Variants in PCDHA7 observed in about 807,000 individuals in gnomAD.
PCDHA7 encodes the protein protocadherin alpha 7.
PCDHA7 carries 37 observed loss-of-function variants against 57.2 expected under a neutral mutation model. That is an observed-to-expected ratio of 0.65 (90% CI 0.50 to 0.85). The LOEUF is 0.85. Ranked by LOEUF, PCDHA7 falls within the 40% of genes least tolerant of loss-of-function variation. The pLI is 0.00. For missense variants in PCDHA7, 1,188 were observed against 1,241.8 expected (o/e 0.96, Z 0.65); for synonymous variants, 553 against 558.8 (o/e 0.99, Z 0.15).
At chr5:140,868,231 T>C in intron 1 of PCDHA7, 1 of 152,170 alleles carries the variant, frequency 6.6e-6, no homozygotes, top group East Asian at 1.9e-4. Flanking sequence ...TAAAAACTCA[T>C]CTAGATCAAT....
In PCDHA7 at chr5:140,995,657, A is replaced by C. The variant is rs188298109; in HGVS notation, c.2503+13094A>C. Among the ~76,000 whole-genome samples, 56 of 152,328 alleles carry C rather than the reference A, an allele frequency of 3.7e-4. No homozygotes were observed. The East Asian group carries it at 7.7e-3, about 21-fold the overall frequency. Reference sequence around the variant, plus strand: ...AGTGTTTAGAAAAGGAGAATCGAAAAGGGAAGTAAATGCAGCATTTTTTTT... The same window carrying C: ...AGTGTTTAGAAAAGGAGAATCGAAACGGGAAGTAAATGCAGCATTTTTTTT... On this transcript the variant is annotated intron_variant, in intron 3 of 3. Coordinates refer to ENST00000525929, the MANE Select transcript of PCDHA7 (RefSeq NM_018910.3).
At chr5:140,851,235 T>C (rs2041998909) in intron 1 of PCDHA7, 4 of 1,129,042 alleles carry the variant, frequency 3.5e-6, no homozygotes, top group Non-Finnish European at 4.5e-6. Flanking sequence ...CATTTATTTA[T>C]TGCTAAATGA....
At chr5:140,882,854 C>T in intron 1 of PCDHA7, 1 of 1,614,196 alleles carries the variant, frequency 6.2e-7, no homozygotes, top group African/African-American at 1.3e-5. Context: ...ATCACTTGTA[C>T]TGAGGAAAAC....
chr5:140,866,295 G>T (rs561985862), intron 1 of PCDHA7: 17 of 152,252 alleles, frequency 1.1e-4, no homozygotes, highest in African/African-American at 3.4e-4. Flanking sequence ...GACAAGTATA[G>T]ATGTTGATAT....
chr5:140,887,624 GT>G (rs1369272233), intron 1 of PCDHA7, among the ~76,000 whole-genome samples: 1 of 151,558 alleles, frequency 6.6e-6, no homozygotes, highest in Non-Finnish European at 1.5e-5. Flanking sequence ...TTTTCTTTAT[GT>G]TAGTCTGTTG....
chr5:140,883,547 G>A (rs782704587), intron 1 of PCDHA7: 2 of 1,614,234 alleles, frequency 1.2e-6, no homozygotes, highest in Admixed American at 1.7e-5. Flanking sequence ...GGTGGTGACC[G>A]CGCGGGACGG....
chr5:140,871,257 G>C (rs374337862), intron 1 of PCDHA7: 21 of 1,613,824 alleles, frequency 1.3e-5, no homozygotes, highest in East Asian at 2.2e-5. Context: ...TGCTGTATAC[G>C]GCGCTGTGGT....
intron 1 of PCDHA7, among the ~76,000 whole-genome samples, chr5:140,962,537 A>G (rs1554226101): frequency 6.6e-6 from 1 of 152,208 alleles, no homozygotes; most frequent in Non-Finnish European, 1.5e-5. Context: ...TTTTAGAACT[A>G]AAAATGTAGA....
chr5:140,868,681 TATA>T (rs1235223560), intron 1 of PCDHA7: 45 of 172,206 alleles, frequency 2.6e-4, no homozygotes, highest in African/African-American at 1.0e-3. Context: ...AGAACAATGT[TATA>T]ATGTTAAGTC....
intron 3 of PCDHA7, among the ~76,000 whole-genome samples, chr5:140,984,768 G>A (rs569046665): frequency 7.2e-5 from 11 of 152,172 alleles, no homozygotes; most frequent in African/African-American, 2.4e-4. Flanking sequence ...CTAATCCCAA[G>A]CTTACTTGCT....
intron 1 of PCDHA7, chr5:140,850,399 G>C: frequency 6.3e-7 from 1 of 1,597,978 alleles, no homozygotes; most frequent in Non-Finnish European, 8.6e-7. Flanking sequence ...AGCACAACGC[G>C]TGCCCTGGAC....
intron 1 of PCDHA7, chr5:140,877,318 G>T (rs1193928342): frequency 1.9e-6 from 3 of 1,614,000 alleles, no homozygotes; most frequent in Non-Finnish European, 2.5e-6. Context: ...ACCGGCGGCG[G>T]TCGGCGCGCA....
At position 140,836,463 on chromosome 5, in the gene PCDHA7, G is replaced by T; in HGVS notation, c.2080G>T (p.Val694Leu). ...CATTGCAGGCCCAGAGACCGAGCTG[G>T]TGGATGTCAACGTGTACCTGATCAT... The part of the protein sequence containing the change: ...LGIAGPETEL[V>L]DVNVYLIIAI... Residue 694 changes from valine (V) to leucine (L), a missense_variant, in exon 1 of 4, where the codon GTG (valine) becomes TTG (leucine). Val to Leu is a conservative substitution (Grantham distance 32, BLOSUM62 1). Transcript: ENST00000525929. 1 of 1,613,838 alleles carries T rather than the reference G, an allele frequency of 6.2e-7. No individual in the cohort carries two copies.
intron 1 of PCDHA7, chr5:140,869,394 G>A (rs782128248): frequency 6.2e-7 from 1 of 1,614,078 alleles, no homozygotes; most frequent in Non-Finnish European, 8.5e-7. Flanking sequence ...AGCTGTGCGG[G>A]CAGAGCGCGG....
At chr5:140,898,899 C>A (rs1457821018) in intron 1 of PCDHA7, among the ~76,000 whole-genome samples, 2 of 152,072 alleles carry the variant, frequency 1.3e-5, no homozygotes, top group Non-Finnish European at 2.9e-5. Context: ...TTGAAGAGGT[C>A]CTTCACGTCC....
In PCDHA7 at chr5:140,843,348, C is replaced by T; in HGVS notation, c.2355+6610C>T. The T allele has an allele frequency of 1.9e-6, 3 of 1,596,106 alleles. No homozygotes were observed. The South Asian group carries it at 3.3e-5, about 18-fold the overall frequency. On this transcript the variant is annotated intron_variant, in intron 1 of 3. Transcript: ENST00000525929. ...TCGCTGGTGGAGAGCGGCCAGGCTC[C>T]AAAAGCGTCATCGAGGCAGTCGGCT...
intron 1 of PCDHA7, among the ~76,000 whole-genome samples, chr5:140,874,104 A>G (rs251376): frequency 0.45 from 68,940 of 152,128 alleles, 15,928 homozygotes; most frequent in South Asian, 0.58. Context: ...GTTTTTAATT[A>G]CTTAACGTTT....
At chr5:140,946,591 AATAG>A (rs1237639683) in intron 1 of PCDHA7, among the ~76,000 whole-genome samples, 7 of 119,490 alleles carry the variant, frequency 5.9e-5, no homozygotes, top group African/African-American at 2.9e-4. Flanking sequence ...ATAGTGGATG[AATAG>A]ATAAAGAAAA....
chr5:140,849,977 G>T (rs2150461190), intron 1 of PCDHA7: 15 of 1,597,540 alleles, frequency 9.4e-6, no homozygotes, highest in East Asian at 4.5e-5. Context: ...CCTACTCGCT[G>T]GTGGAGCGGC....
Sources: gnomAD v4.1 joint callset for allele counts (sites outside exome capture counted in the v4.1 genomes callset) on GRCh38, gnomAD v4.1.1 for gene constraint, MANE v1.5 for transcripts, NCBI Gene and HGNC (gene_info 2026-07-23, HGNC 2026-07-21) for gene names.